The following NKAIN2 variants were observed in gnomAD, a reference collection of about 807,000 sequenced individuals.
The protein encoded by NKAIN2 is sodium/potassium transporting ATPase interacting 2, also known as sodium/potassium-transporting ATPase subunit beta-1-interacting protein 2.
NKAIN2 carries 14 observed loss-of-function variants against 32.6 expected under a neutral mutation model. That is an observed-to-expected ratio of 0.43 (90% CI 0.28 to 0.67). The LOEUF is 0.67. NKAIN2 is among the 30% of genes least tolerant of loss of function. NKAIN2 has a pLI of 0.17. For missense variants in NKAIN2, 198 were observed against 258.3 expected, an observed-to-expected ratio of 0.77 and a Z score of 1.60; for synonymous variants, 80 against 87.2, an observed-to-expected ratio of 0.92 and a Z score of 0.46.
chr6:123,944,625 T>A (rs1776984092), intron 1 of NKAIN2, among the ~76,000 whole-genome samples: 1 of 152,094 alleles, frequency 6.6e-6, no homozygotes, highest in African/African-American at 2.4e-5. Flanking sequence ...TAATCTCTTC[T>A]TGGTGACAAA....
intron 3 of NKAIN2, 26 bp from the exon 4 acceptor site, chr6:124,658,160 C>A: frequency 6.5e-7 from 1 of 1,527,604 alleles, no homozygotes; most frequent in Non-Finnish European, 8.9e-7. Context: ...AAGTAATTCT[C>A]ATCCTTGTAA....
chr6:124,550,054 TG>T (rs1780234538), intron 3 of NKAIN2, among the ~76,000 whole-genome samples: 1 of 152,224 alleles, frequency 6.6e-6, no homozygotes, highest in African/African-American at 2.4e-5. Context: ...GGATCTTGTC[TG>T]GGGCAAATAT....
At chr6:124,703,218 C>G (rs7773616) in intron 4 of NKAIN2, among the ~76,000 whole-genome samples, 151,213 of 152,060 alleles carry the variant, frequency 0.99, 75,189 homozygotes, top group East Asian at 1. Context: ...TGGATTTACT[C>G]TGGGAATTTT....
At chr6:123,986,944 G>A (rs1338530761) in intron 1 of NKAIN2, among the ~76,000 whole-genome samples, 1 of 152,106 alleles carries the variant, frequency 6.6e-6, no homozygotes, top group Non-Finnish European at 1.5e-5. Flanking sequence ...TCCTTGGTGT[G>A]GGTACACTTT....
chr6:123,983,772 G>A (rs953830695), intron 1 of NKAIN2, among the ~76,000 whole-genome samples: 5 of 151,722 alleles, frequency 3.3e-5, no homozygotes, highest in African/African-American at 9.7e-5. Flanking sequence ...ATAATATTAA[G>A]TGTTTAGAAT....
chr6:124,698,553 G>C (rs532222163), intron 4 of NKAIN2, among the ~76,000 whole-genome samples: 1 of 152,266 alleles, frequency 6.6e-6, no homozygotes, highest in Admixed American at 6.5e-5. Flanking sequence ...TTTTGCATAA[G>C]TAGGCAGGCA....
intron 1 of NKAIN2, among the ~76,000 whole-genome samples, chr6:124,206,974 T>C (rs1790921184): frequency 6.6e-6 from 1 of 151,746 alleles, no homozygotes; most frequent in Non-Finnish European, 1.5e-5. Flanking sequence ...GGACAAACAA[T>C]GGATTGGTCA....
intron 5 of NKAIN2, among the ~76,000 whole-genome samples, chr6:124,794,572 T>C (rs190123429): frequency 1.5e-3 from 223 of 152,348 alleles, no homozygotes; most frequent in Non-Finnish European, 2.2e-3. Flanking sequence ...TTTATCATGT[T>C]AGTCTTATTG....
intron 1 of NKAIN2, among the ~76,000 whole-genome samples, chr6:124,070,277 C>G (rs779024560): frequency 7.9e-5 from 12 of 152,186 alleles, no homozygotes; most frequent in Non-Finnish European, 1.2e-4. Context: ...CGCCTCTATT[C>G]TGGCTATGCT....
intron 2 of NKAIN2, among the ~76,000 whole-genome samples, chr6:124,289,805 C>G (rs537146204): frequency 6.6e-6 from 1 of 152,198 alleles, no homozygotes; most frequent in East Asian, 1.9e-4. Flanking sequence ...TCTAAGAAGT[C>G]ATTAATCTAT....
At chr6:124,090,937 G>A (rs78043773) in intron 1 of NKAIN2, among the ~76,000 whole-genome samples, 2,766 of 152,064 alleles carry the variant, frequency 0.018, 75 homozygotes, top group African/African-American at 0.06. Context: ...AATCATAGCT[G>A]TGAACCATTC....
intron 1 of NKAIN2, among the ~76,000 whole-genome samples, chr6:123,838,309 G>T (rs9490962): frequency 0.073 from 11,064 of 152,096 alleles, 837 homozygotes; most frequent in African/African-American, 0.19. Flanking sequence ...GGTTTTGAAA[G>T]CTACTTCATA....
intron 1 of NKAIN2, among the ~76,000 whole-genome samples, chr6:124,039,022 T>C (rs543721636): frequency 6.6e-6 from 1 of 152,252 alleles, no homozygotes; most frequent in South Asian, 2.1e-4. Context: ...AATTCTCATA[T>C]GTATGATGTT....
chr6:124,256,524 C>T (rs1793938300), intron 1 of NKAIN2, among the ~76,000 whole-genome samples: 3 of 152,116 alleles, frequency 2.0e-5, no homozygotes, highest in African/African-American at 4.8e-5. Context: ...AGAAAACACA[C>T]CATCCTAAAT....
intron 1 of NKAIN2, among the ~76,000 whole-genome samples, chr6:124,095,193 C>T (rs1359306484): frequency 6.6e-6 from 1 of 152,090 alleles, no homozygotes; most frequent in African/African-American, 2.4e-5. Flanking sequence ...GTAAATGAAA[C>T]TTCTTAGCTA....
chr6:124,090,860 T>C (rs963325488), intron 1 of NKAIN2, among the ~76,000 whole-genome samples: 7 of 151,976 alleles, frequency 4.6e-5, no homozygotes, highest in Admixed American at 2.0e-4. Context: ...ATCAATCCCA[T>C]GGAGTTATTT....
At chr6:123,973,933 A>G (rs1334418204) in intron 1 of NKAIN2, among the ~76,000 whole-genome samples, 1 of 152,178 alleles carries the variant, frequency 6.6e-6, no homozygotes, top group Non-Finnish European at 1.5e-5. Context: ...AAGGAGAATT[A>G]TCCTAATAAT....
At chr6:124,105,293 C>T (rs1217606453) in intron 1 of NKAIN2, among the ~76,000 whole-genome samples, 1 of 151,938 alleles carries the variant, frequency 6.6e-6, no homozygotes, top group Non-Finnish European at 1.5e-5. Flanking sequence ...TTTGACTGAC[C>T]TAATCTTTGG....
In NKAIN2 at chr6:124,791,338, G is replaced by A; in HGVS notation, c.475-1G>A. ...TCTAAAGCATCTCTGTTTTGTTTCAGCTGGCAGGTTTCATCTACGCCTGTT... is the reference window on the plus strand; with the variant it reads ...TCTAAAGCATCTCTGTTTTGTTTCAACTGGCAGGTTTCATCTACGCCTGTT... On this transcript the variant is annotated splice_acceptor_variant, in intron 4 of 6. Transcript: ENST00000368417. LOFTEE classifies it high-confidence loss of function. The A allele has an allele frequency of 6.2e-7, 1 of 1,607,568 alleles. No homozygotes were observed. The highest frequency in any genetic ancestry group is 8.5e-7 in the Non-Finnish European group (1 of 1,175,198).
Sources: gnomAD v4.1 joint callset for allele counts (sites outside exome capture counted in the v4.1 genomes callset) on GRCh38, gnomAD v4.1.1 for gene constraint, MANE v1.5 for transcripts, NCBI Gene and HGNC (gene_info 2026-07-23, HGNC 2026-07-21) for gene names.